The following ENTPD1 variants were observed in gnomAD, a reference collection of about 807,000 sequenced individuals.
ENTPD1 encodes ATP diphosphohydrolase.
ENTPD1 carries 33 observed loss-of-function variants against 57.0 expected under a neutral mutation model. That is an observed-to-expected ratio of 0.58 (90% CI 0.44 to 0.77). The LOEUF is 0.77. ENTPD1 is among the 30% of genes least tolerant of loss of function. The probability of loss-of-function intolerance (pLI) is 0.00; values close to 1 mark genes in which losing one functional copy is unlikely to be tolerated. For missense variants in ENTPD1, 501 were observed against 603.4 expected (o/e 0.83, Z 1.78); for synonymous variants, 202 against 218.8 (o/e 0.92, Z 0.68).
the ENTPD1 span, among the ~76,000 whole-genome samples, chr10:95,699,180 A>AG: frequency 3.3e-5 from 5 of 152,046 alleles, no homozygotes; most frequent in Non-Finnish European, 7.4e-5. Context: ...TAAAGGAAAA[A>AG]GGAAAAAAAA....
chr10:95,865,623 C>T (rs1265803688), intron 9 of ENTPD1, among the ~76,000 whole-genome samples: 2 of 152,230 alleles, frequency 1.3e-5, no homozygotes, highest in Non-Finnish European at 2.9e-5. Context: ...CTTGTCAGTG[C>T]TGATCTTGCT....
chr10:95,702,895 C>T, the ENTPD1 span, among the ~76,000 whole-genome samples: 1 of 152,182 alleles, frequency 6.6e-6, no homozygotes, highest in Non-Finnish European at 1.5e-5. Context: ...AATTCTCTGC[C>T]TCAGCCTCCA....
At chr10:95,808,798 A>G (rs575903414) in intron 1 of ENTPD1, among the ~76,000 whole-genome samples, 1 of 151,886 alleles carries the variant, frequency 6.6e-6, no homozygotes, top group South Asian at 2.1e-4. Flanking sequence ...TAATAGGACA[A>G]TAGTGGAGAG....
At chr10:95,821,529 G>A (rs989415770) in intron 1 of ENTPD1, among the ~76,000 whole-genome samples, 3 of 152,178 alleles carry the variant, frequency 2.0e-5, no homozygotes, top group Non-Finnish European at 4.4e-5. Context: ...ACTGGTGAGG[G>A]AATGAAATTA....
At chr10:95,807,223 C>T (rs560912474) in intron 1 of ENTPD1, among the ~76,000 whole-genome samples, 3 of 152,320 alleles carry the variant, frequency 2.0e-5, no homozygotes, top group Admixed American at 2.0e-4. Flanking sequence ...ATAGTGGATG[C>T]CCCTCCCCCA....
Position 95,872,771 on chromosome 10 carries a change from G to A in ENTPD1, c.*6388G>A. 1.0e-6 allele frequency: 1 copy of A among 985,444 alleles called. No individual in the cohort carries two copies. The highest frequency in any genetic ancestry group is 1.2e-6 in the Non-Finnish European group (1 of 829,940). 61.0% of individuals were successfully genotyped at this position (985,444 alleles called of 1,614,324 possible). On this transcript the variant is annotated 3_prime_UTR_variant, in exon 10 of 10. Transcript: ENST00000371205. ...GCTGGCGAGCTGGTCCGCACCACTA[G>A]TTCTGCTTCACTCTATTTATCTCTT... is the stretch of plus-strand genomic sequence containing the variant.
intron 1 of ENTPD1, among the ~76,000 whole-genome samples, chr10:95,806,568 C>T (rs553715857): frequency 6.6e-6 from 1 of 152,208 alleles, no homozygotes; most frequent in Non-Finnish European, 1.5e-5. Flanking sequence ...AGAAGAGGTG[C>T]TCTGGTTTTT....
Position 95,872,021 on chromosome 10 carries a change from C to T in ENTPD1, c.*5638C>T, listed in dbSNP as rs1016319000. ...TTTTACATGATTAATGCCACCCCTG[C>T]CTCAATGAACCAAGATCAGCTCCAT... On this transcript the variant is annotated 3_prime_UTR_variant, in exon 10 of 10. Transcript: ENST00000371205. The T allele has an allele frequency of 3.0e-6, 3 of 985,424 alleles. No homozygotes were observed. Among genetic ancestry groups the T allele is most frequent in the Middle Eastern group, 5.2e-4 (1 of 1,914 alleles). The allele number at this position is 985,424 out of a possible 1,614,324, so 61.0% of individuals were successfully genotyped here. A position where few individuals can be genotyped will look rare whatever the true frequency, so the allele number is the denominator to read the frequency against.
At chr10:95,857,160 C>T (rs905906948) in intron 7 of ENTPD1, among the ~76,000 whole-genome samples, 1 of 151,938 alleles carries the variant, frequency 6.6e-6, no homozygotes, top group Non-Finnish European at 1.5e-5. Flanking sequence ...TTTCAAGAGC[C>T]GATGGCATGT....
At chr10:95,851,586 C>G (rs1458710884) in intron 7 of ENTPD1, among the ~76,000 whole-genome samples, 9 of 130,972 alleles carry the variant, frequency 6.9e-5, no homozygotes, top group Non-Finnish European at 1.1e-4. Context: ...CCCCTCCCCC[C>G]ACCCCACGAC....
chr10:95,755,657 T>C, upstream of ENTPD1: 1 of 1,535,228 alleles, frequency 6.5e-7, no homozygotes, highest in South Asian at 1.2e-5. Context: ...GGTCACCTGT[T>C]GCTCTTTGCT....
At chr10:95,802,293 T>G (rs903004075) in intron 1 of ENTPD1, among the ~76,000 whole-genome samples, 7 of 152,204 alleles carry the variant, frequency 4.6e-5, no homozygotes, top group African/African-American at 1.7e-4. Flanking sequence ...AGGTTAAAGA[T>G]AAATGATTGT....
chr10:95,850,418 C>A (rs1172370551), intron 7 of ENTPD1, among the ~76,000 whole-genome samples: 1 of 152,100 alleles, frequency 6.6e-6, no homozygotes, highest in Non-Finnish European at 1.5e-5. Context: ...GTTTCCTCAT[C>A]TGTACAATGG....
At chr10:95,714,446 T>C (rs1589634979) in intron 1 of ENTPD1, among the ~76,000 whole-genome samples, 2 of 152,360 alleles carry the variant, frequency 1.3e-5, no homozygotes, top group African/African-American at 2.4e-5. Flanking sequence ...CAGTTTTGGA[T>C]TGTAACTAAC....
rs2098481536 is a variant in ENTPD1, at chr10:95,872,455, G to T, written c.*6072G>T. The T allele has an allele frequency of 1.0e-6, 1 of 985,170 alleles. No individual in the cohort carries two copies. Among genetic ancestry groups the T allele is most frequent in the Non-Finnish European group, 1.2e-6 (1 of 829,864 alleles). The allele number at this position is 985,170 out of a possible 1,614,324, so 61.0% of individuals were successfully genotyped here. On this transcript the variant is annotated 3_prime_UTR_variant, in exon 10 of 10. Coordinates refer to ENST00000371205, the MANE Select transcript of ENTPD1 (RefSeq NM_001776.6). The stretch of plus-strand genomic sequence containing the variant: ...ACCACTCAGGTTGTCTTCTCAACTT[G>T]GAATACTCTTGCACCTTCAAAGCTC...
the ENTPD1 span, among the ~76,000 whole-genome samples, chr10:95,696,742 T>A: frequency 2.0e-5 from 3 of 152,354 alleles, no homozygotes; most frequent in Admixed American, 2.0e-4. Flanking sequence ...AAGTCTTAAA[T>A]TGAGATCATA....
the ENTPD1 span, among the ~76,000 whole-genome samples, chr10:95,702,314 T>A: frequency 1.3e-5 from 2 of 152,080 alleles, no homozygotes; most frequent in Non-Finnish European, 2.9e-5. Context: ...TGAAAATGCA[T>A]CAAATGTAAA....
the ENTPD1 span, among the ~76,000 whole-genome samples, chr10:95,701,083 C>T: frequency 2.0e-5 from 3 of 152,278 alleles, no homozygotes; most frequent in African/African-American, 7.2e-5. Flanking sequence ...CCTGAGCCAC[C>T]GTGCCCAGCC....
At chr10:95,756,100 A>G, upstream of ENTPD1, 1 of 1,525,862 alleles carries the variant, frequency 6.6e-7, no homozygotes, top group Non-Finnish European at 8.8e-7. Context: ...GGGGCCGGCT[A>G]ATTTAGCCCC....
Sources: allele counts gnomAD v4.1 joint callset (sites outside exome capture counted in the v4.1 genomes callset), GRCh38; gene constraint gnomAD v4.1.1; transcripts MANE v1.5; gene names NCBI Gene and HGNC (gene_info 2026-07-23, HGNC 2026-07-21).